KIF5A: variants seen among roughly 807,000 people sequenced by gnomAD.
KIF5A encodes kinesin heavy chain isoform 5A.
A neutral mutation model predicts 141.3 loss-of-function variants in KIF5A; 35 were observed. The observed-to-expected ratio is 0.25, with a 90% CI of 0.19 to 0.33. The LOEUF (loss-of-function observed/expected upper bound fraction) is 0.33. Among genes scored for constraint, KIF5A ranks in the 10% least tolerant of loss-of-function variants. The pLI is 1.00. For missense variants in KIF5A, 861 were observed against 1,314.3 expected (o/e 0.66, Z 5.33); for synonymous variants, 448 against 500.2 (o/e 0.90, Z 1.39).
Position 57,569,623 on chromosome 12 carries a change from A to G in KIF5A, c.1057A>G (p.Thr353Ala), listed in dbSNP as rs1465327244. Reference protein sequence around the residue: ...KKKYEKEKEKTKAQKETIAKL... With the variant: ...KKKYEKEKEKAKAQKETIAKL... ...GAAATATGAGAAGGAGAAGGAGAAGACAAAGGCCCAGAAGGAGACGATTGC... is the reference window on the plus strand; with the variant it reads ...GAAATATGAGAAGGAGAAGGAGAAGGCAAAGGCCCAGAAGGAGACGATTGC... The change falls in exon 11 of 29, where the codon ACA becomes GCA. Residue 353 changes from threonine to alanine, a missense_variant. By Grantham distance (58) the Thr-to-Ala change is moderately conservative. Coordinates refer to ENST00000455537, the MANE Select transcript of KIF5A (RefSeq NM_004984.4). The G allele has an allele frequency of 6.2e-7, 1 of 1,614,016 alleles. No homozygotes were observed. The highest frequency in any genetic ancestry group is 8.5e-7 in the Non-Finnish European group (1 of 1,180,042).
intron 27 of KIF5A, 22 bp downstream of exon 27, chr12:57,582,651 CTGGG>C (rs754828902): frequency 2.0e-5 from 32 of 1,584,228 alleles, no homozygotes; most frequent in Non-Finnish European, 2.5e-5. Flanking sequence ...CCCACTACCC[CTGGG>C]TTCTCTGGGT....
At chr12:57,571,942 G>A in intron 13 of KIF5A, 119 bp from the exon 14 acceptor site, 1 of 805,304 alleles carries the variant, frequency 1.2e-6, no homozygotes, top group Non-Finnish European at 2.1e-6. Context: ...GAAACCTAAA[G>A]CCCACTTCCT....
At chr12:57,570,768 A>G (rs1882228425) in intron 12 of KIF5A, among the ~76,000 whole-genome samples, 1 of 151,976 alleles carries the variant, frequency 6.6e-6, no homozygotes, top group African/African-American at 2.4e-5. Flanking sequence ...TTCTTCATAA[A>G]AGTATTTTTA....
Position 57,559,373 on chromosome 12 carries a change from C to T in KIF5A, c.130-4066C>T, listed in dbSNP as rs141137841. Among the ~76,000 whole-genome samples the T allele has an allele frequency of 2.5e-3, 382 of 152,096 alleles. 2 individuals carry two copies. The highest frequency in any genetic ancestry group is 8.5e-3 in the African/African-American group (353 of 41,484). ...TACTCACATTCTCACCAGTGTAATGCGTTGTCTATTTTATTTTGGCCACTT... is the reference window on the plus strand; with the variant it reads ...TACTCACATTCTCACCAGTGTAATGTGTTGTCTATTTTATTTTGGCCACTT... On this transcript the variant is annotated intron_variant, in intron 1 of 28. Transcript: ENST00000455537.
chr12:57,566,036 T>C (rs957838248), intron 6 of KIF5A, among the ~76,000 whole-genome samples: 3 of 150,472 alleles, frequency 2.0e-5, no homozygotes, highest in African/African-American at 7.3e-5. Context: ...GAGTTTGAGG[T>C]TGCAGTGAGC....
chr12:57,582,151 G>A lies in KIF5A; in HGVS notation c.2992+199G>A, dbSNP rs566898131. 7.2e-5 allele frequency among the ~76,000 whole-genome samples: 11 copies of A among 152,294 alleles called. No homozygotes were observed. The South Asian group carries it at 2.3e-3, about 32-fold the overall frequency. On this transcript the variant is annotated intron_variant, in intron 26 of 28. Transcript: ENST00000455537. The stretch of plus-strand genomic sequence containing the variant: ...CCTAGCTACTTGGGAGGTTGAGATA[G>A]GAGGATTGCTTGAGCTCAGGAGCTT...
At chr12:57,578,379 G>C in intron 23 of KIF5A, 37 bp downstream of exon 23, 1 of 1,443,200 alleles carries the variant, frequency 6.9e-7, no homozygotes, top group South Asian at 1.1e-5. Flanking sequence ...GAATTTTTGA[G>C]GCCGGGTAGC....
Position 57,584,550 on chromosome 12 carries a change from G to A in KIF5A, c.*369G>A, listed in dbSNP as rs1486729321. The A allele has an allele frequency of 6.6e-6, 1 of 152,604 alleles. No homozygotes were observed. Among genetic ancestry groups the A allele is most frequent in the East Asian group, 1.9e-4 (1 of 5,192 alleles). The allele number at this position is 152,604 out of a possible 1,614,324, so 9.5% of individuals were successfully genotyped here. A position where few individuals can be genotyped will look rare whatever the true frequency, so the allele number is the denominator to read the frequency against. The stretch of plus-strand genomic sequence containing the variant: ...TTAGTCACTGAGTAGAGGTCACAGA[G>A]ATGACAAAAGGAAAAATGGGAGCTA... On this transcript the variant is annotated 3_prime_UTR_variant, in exon 29 of 29. Transcript: ENST00000455537.
rs1224244947 is a variant in KIF5A at position 57,576,304 on chromosome 12, G to A, written c.2124G>A (p.Glu708=). 3 of 1,613,920 alleles carry A rather than the reference G, an allele frequency of 1.9e-6. No individual in the cohort carries two copies. The highest frequency in any genetic ancestry group is 2.2e-5 in the East Asian group (1 of 44,896). The change falls in exon 19 of 29, where the codon GAG becomes GAA. Residue 708 remains glutamate, a synonymous_variant. Coordinates refer to ENST00000455537, the MANE Select transcript of KIF5A (RefSeq NM_004984.4). ...ALELQMESHR[E]AHHRQLARLR... Reference sequence around the variant, plus strand: ...AGCTGCAGATGGAGAGTCACCGGGAGGCCCATCACCGGCAGCTGGCCCGGC... The same window carrying A: ...AGCTGCAGATGGAGAGTCACCGGGAAGCCCATCACCGGCAGCTGGCCCGGC...
chr12:57,551,455 T>A (rs1392586339), intron 1 of KIF5A, among the ~76,000 whole-genome samples: 1 of 152,182 alleles, frequency 6.6e-6, no homozygotes, highest in Non-Finnish European at 1.5e-5. Context: ...TCTGCACCTT[T>A]ATCTGTAATG....
rs564587379 is a variant in KIF5A at position 57,575,769 on chromosome 12, T to A, written c.2023+12T>A. On this transcript the variant is annotated intron_variant, in intron 17 of 28. Transcript: ENST00000455537. ...GCTCCAGGCCCAGGGTGAGGCCTTC[T>A]TATACCTCCATCCCACTGTCCAGGG... is the stretch of plus-strand genomic sequence containing the variant. The A allele has an allele frequency of 3.9e-6, 6 of 1,551,994 alleles. No individual in the cohort carries two copies. The Admixed American group carries it at 6.7e-5, about 17-fold the overall frequency.
chr12:57,583,048 A>T, intron 27 of KIF5A, 53 bp from the exon 28 acceptor site: 1 of 1,412,154 alleles, frequency 7.1e-7, no homozygotes, highest in Non-Finnish European at 1.0e-6. Context: ...AACCATGATG[A>T]CAGGAATACT....
At chr12:57,556,523 A>T (rs1881750844) in intron 1 of KIF5A, among the ~76,000 whole-genome samples, 1 of 151,712 alleles carries the variant, frequency 6.6e-6, no homozygotes. Context: ...GCCTAGACTG[A>T]TGTAAAGGGG....
rs1295436882 is a variant in KIF5A at position 57,581,020 on chromosome 12, C to T, written c.2603C>T (p.Thr868Met). ...AAATTGGAAAAACGACTTAGGGCTA[C>T]GGCTGAGAGAGTTAAGGCCCTGGAG... is the stretch of plus-strand genomic sequence containing the variant. Reference protein sequence around the residue: ...LPKLEKRLRATAERVKALEGA... With the variant: ...LPKLEKRLRAMAERVKALEGA... Residue 868 changes from threonine (T) to methionine (M), a missense_variant, in exon 24 of 29, where the codon ACG becomes ATG. By Grantham distance (81) the Thr-to-Met change is moderately conservative. Around this residue, in one of 5 missense-constraint regions of KIF5A, gnomAD observed 482 missense variants for 661.3 expected, o/e 0.73. Transcript: ENST00000455537. 1.2e-6 allele frequency: 2 copies of T among 1,614,094 alleles called. No homozygotes were observed. Among genetic ancestry groups the T allele is most frequent in the African/African-American group, 1.3e-5 (1 of 75,018 alleles).
At chr12:57,580,184 A>G (rs1332751051) in intron 23 of KIF5A, among the ~76,000 whole-genome samples, 1 of 152,146 alleles carries the variant, frequency 6.6e-6, no homozygotes, top group Non-Finnish European at 1.5e-5. Flanking sequence ...CTGTCTTCCA[A>G]GGCCCTGCTC....
intron 1 of KIF5A, among the ~76,000 whole-genome samples, chr12:57,553,418 C>T (rs995995423): frequency 6.6e-6 from 1 of 152,128 alleles, no homozygotes; most frequent in South Asian, 2.1e-4. Context: ...GGAGCAGAAT[C>T]AGTATTGTTT....
At chr12:57,560,509 T>A (rs1881876928) in intron 1 of KIF5A, among the ~76,000 whole-genome samples, 1 of 152,226 alleles carries the variant, frequency 6.6e-6, no homozygotes, top group Non-Finnish European at 1.5e-5. Context: ...TGAACCCACA[T>A]CTACACTGGG....
At chr12:57,558,014 T>C (rs1206239284) in intron 1 of KIF5A, among the ~76,000 whole-genome samples, 1 of 152,202 alleles carries the variant, frequency 6.6e-6, no homozygotes, top group Non-Finnish European at 1.5e-5. Context: ...TGTGGATCTT[T>C]CCAAAAACCT....
At position 57,577,742 on chromosome 12, in the gene KIF5A, A is replaced by G. The variant is rs1318769789; in HGVS notation, c.2330A>G (p.Lys777Arg). Residue 777 changes from lysine to arginine, a missense_variant, in exon 21 of 29, where the codon AAG (lysine) becomes AGG (arginine). This residue lies in a region of KIF5A where 482 missense variants were observed against 661.3 expected (regional missense o/e 0.73). Coordinates refer to ENST00000455537, the MANE Select transcript of KIF5A (RefSeq NM_004984.4). ...TFLYERHEQS[K>R]QDLKGLEETV... Reference sequence around the variant, plus strand: ...CTGTACGAGCGACATGAGCAGTCCAAGCAGGACCTCAAGGGTCTGGAGGAG... The same window carrying G: ...CTGTACGAGCGACATGAGCAGTCCAGGCAGGACCTCAAGGGTCTGGAGGAG... The G allele has an allele frequency of 1.2e-6, 2 of 1,614,068 alleles. No homozygotes were observed. Among genetic ancestry groups the G allele is most frequent in the South Asian group, 2.2e-5 (2 of 91,072 alleles).
Sources: gnomAD v4.1 joint callset for allele counts (sites outside exome capture counted in the v4.1 genomes callset) on GRCh38, gnomAD v4.1.1 for gene constraint, gnomAD v4.1.1 regional missense constraint, MANE v1.5 for transcripts, NCBI Gene and HGNC (gene_info 2026-07-23, HGNC 2026-07-21) for gene names.